Variants in CHSY3 observed in about 807,000 individuals in gnomAD.
CHSY3 encodes chondroitin sulfate synthase 3, also known as N-acetylgalactosaminyl-proteoglycan 3-beta-glucuronosyltransferase 3.
A neutral mutation model predicts 67.2 loss-of-function variants in CHSY3; 35 were observed. That is an observed-to-expected ratio of 0.52 (90% CI 0.40 to 0.69). The LOEUF is 0.69. Ranked by LOEUF, CHSY3 falls within the 30% of genes least tolerant of loss-of-function variation. CHSY3 has a pLI of 0.00. For missense variants in CHSY3, 1,069 were observed against 1,138.5 expected (o/e 0.94, Z 0.88); for synonymous variants, 474 against 434.7 (o/e 1.09, Z -1.12).
intron 2 of CHSY3, among the ~76,000 whole-genome samples, chr5:130,040,234 A>C (rs1198861019): frequency 6.6e-6 from 1 of 152,106 alleles, no homozygotes; most frequent in African/African-American, 2.4e-5. Context: ...GCCACTAATC[A>C]GTGACCATTT....
intron 2 of CHSY3, among the ~76,000 whole-genome samples, chr5:130,101,083 C>CT (rs1767228313): frequency 1.3e-5 from 2 of 152,210 alleles, no homozygotes. Context: ...TAGCAATTGT[C>CT]TAACAGCTGG....
chr5:130,014,717 T>C (rs1289703918), intron 2 of CHSY3, among the ~76,000 whole-genome samples: 2 of 152,116 alleles, frequency 1.3e-5, no homozygotes, highest in Non-Finnish European at 2.9e-5. Context: ...CAAGAGGGAT[T>C]AAAGATGTAA....
At chr5:130,093,440 C>T (rs1295270934) in intron 2 of CHSY3, among the ~76,000 whole-genome samples, 1 of 152,042 alleles carries the variant, frequency 6.6e-6, no homozygotes, top group Non-Finnish European at 1.5e-5. Context: ...ATATTAAATG[C>T]TGCTACTCTT....
chr5:130,131,706 A>G (rs1193577225), intron 2 of CHSY3, among the ~76,000 whole-genome samples: 1 of 152,150 alleles, frequency 6.6e-6, no homozygotes, highest in Non-Finnish European at 1.5e-5. Flanking sequence ...TTGCAGTTCA[A>G]AGGCCCTATA....
intron 2 of CHSY3, among the ~76,000 whole-genome samples, chr5:130,167,493 ATCT>A (rs1769781867): frequency 6.6e-6 from 1 of 152,152 alleles, no homozygotes; most frequent in Non-Finnish European, 1.5e-5. Context: ...TATAAAGTAA[ATCT>A]TCTAAGAAAA....
chr5:130,133,211 C>G (rs1768538165), intron 2 of CHSY3, among the ~76,000 whole-genome samples: 1 of 152,066 alleles, frequency 6.6e-6, no homozygotes, highest in Admixed American at 6.6e-5. Context: ...GGGCAAGAGG[C>G]AGAAAATTTT....
intron 1 of CHSY3, 43 bp downstream of exon 1, chr5:129,905,674 A>T (rs770319082): frequency 1.9e-6 from 3 of 1,596,922 alleles, no homozygotes; most frequent in Non-Finnish European, 2.6e-6. Context: ...AGTCTCCCCG[A>T]CTCCTTTCTC....
intron 2 of CHSY3, among the ~76,000 whole-genome samples, chr5:130,086,577 T>C (rs1441938281): frequency 1.3e-5 from 2 of 152,066 alleles, no homozygotes; most frequent in East Asian, 1.9e-4. Flanking sequence ...CATCAGAGAA[T>C]ACTACAAACA....
chr5:130,020,446 TA>T (rs60782410), intron 2 of CHSY3, among the ~76,000 whole-genome samples: 1,614 of 31,846 alleles, frequency 0.051, 113 homozygotes, highest in South Asian at 0.19. Context: ...TATATATATA[TA>T]TATATATATA....
At chr5:130,085,161 G>A (rs1766572613) in intron 2 of CHSY3, among the ~76,000 whole-genome samples, 1 of 151,848 alleles carries the variant, frequency 6.6e-6, no homozygotes, top group Admixed American at 6.6e-5. Context: ...GAGGATTAGG[G>A]TTTTATTTTT....
At chr5:129,958,487 C>A (rs1762241092) in intron 2 of CHSY3, among the ~76,000 whole-genome samples, 1 of 152,070 alleles carries the variant, frequency 6.6e-6, no homozygotes, top group Non-Finnish European at 1.5e-5. Context: ...AGAAAGCCCT[C>A]CAGGTCACTT....
At chr5:129,979,941 A>G (rs1205089032) in intron 2 of CHSY3, among the ~76,000 whole-genome samples, 1 of 152,134 alleles carries the variant, frequency 6.6e-6, no homozygotes, top group Admixed American at 6.5e-5. Context: ...ATTTCTTTTA[A>G]TGATAGATAA....
chr5:130,089,681 T>G (rs1043838515), intron 2 of CHSY3, among the ~76,000 whole-genome samples: 1 of 152,200 alleles, frequency 6.6e-6, no homozygotes, highest in African/African-American at 2.4e-5. Flanking sequence ...CACTGCTTGA[T>G]CATGCCTGTT....
intron 2 of CHSY3, among the ~76,000 whole-genome samples, chr5:129,994,504 C>T (rs928988710): frequency 6.6e-5 from 10 of 152,086 alleles, no homozygotes; most frequent in Middle Eastern, 3.2e-3. Flanking sequence ...TTGATCGCAT[C>T]AGCTACTGAG....
At chr5:130,048,336 G>A (rs891212136) in intron 2 of CHSY3, among the ~76,000 whole-genome samples, 3 of 152,026 alleles carry the variant, frequency 2.0e-5, no homozygotes, top group Admixed American at 2.0e-4. Context: ...GCTACTCCCT[G>A]AAATATATTC....
chr5:130,026,960 A>T (rs189160949), intron 2 of CHSY3, among the ~76,000 whole-genome samples: 348 of 152,170 alleles, frequency 2.3e-3, no homozygotes, highest in African/African-American at 7.4e-3. Context: ...AATAGTGGGG[A>T]GTGGGATGCC....
At chr5:129,981,183 T>C (rs1480621245) in intron 2 of CHSY3, among the ~76,000 whole-genome samples, 4 of 151,718 alleles carry the variant, frequency 2.6e-5, no homozygotes, top group Non-Finnish European at 5.9e-5. Flanking sequence ...ATTGCGCCAC[T>C]GCACTCTGGC....
intron 2 of CHSY3, among the ~76,000 whole-genome samples, chr5:130,138,608 AT>A (rs1220575279): frequency 6.6e-6 from 1 of 152,234 alleles, no homozygotes; most frequent in Non-Finnish European, 1.5e-5. Flanking sequence ...AATACATTTC[AT>A]TCTTTATGCC....
chr5:130,161,863 A>G (rs1769553875), intron 2 of CHSY3, among the ~76,000 whole-genome samples: 1 of 151,850 alleles, frequency 6.6e-6, no homozygotes, highest in African/African-American at 2.4e-5. Context: ...ACATAGTGAA[A>G]CCCTGTCTCT....
Sources: allele counts gnomAD v4.1 joint callset (sites outside exome capture counted in the v4.1 genomes callset), GRCh38; gene constraint gnomAD v4.1.1; transcripts MANE v1.5; gene names NCBI Gene and HGNC (gene_info 2026-07-23, HGNC 2026-07-21).